Variants in LMX1B observed in about 807,000 individuals in gnomAD.
LMX1B encodes the protein LIM homeobox transcription factor 1-beta.
In LMX1B, 12 loss-of-function variants were observed where a neutral mutation model predicts 51.4. The observed-to-expected ratio is 0.23, with a 90% CI of 0.15 to 0.38. The LOEUF (loss-of-function observed/expected upper bound fraction) is 0.38, where lower values mean the gene tolerates loss of function less well. Ranked by LOEUF, LMX1B falls within the 10% of genes least tolerant of loss-of-function variation. The pLI, the probability that LMX1B is intolerant of heterozygous loss-of-function variation, is 1.00. For synonymous variants in LMX1B, 237 were observed against 235.4 expected, an observed-to-expected ratio of 1.01 and a Z score of -0.06; for missense variants, 445 against 571.1, an observed-to-expected ratio of 0.78 and a Z score of 2.25.
chr9:126,664,323 G>T (rs189155287), intron 2 of LMX1B, among the ~76,000 whole-genome samples: 1 of 152,262 alleles, frequency 6.6e-6, no homozygotes, highest in East Asian at 1.9e-4. Context: ...ATAACTTGGA[G>T]ACCAAGTCAC....
At chr9:126,678,324 A>AC (rs1185120674) in intron 2 of LMX1B, among the ~76,000 whole-genome samples, 10 of 121,686 alleles carry the variant, frequency 8.2e-5, no homozygotes, top group African/African-American at 3.1e-4. Context: ...AAAAAAAACA[A>AC]AAAACAAAAA....
intron 2 of LMX1B, among the ~76,000 whole-genome samples, chr9:126,665,763 C>T (rs985050404): frequency 1.2e-4 from 18 of 152,232 alleles, no homozygotes; most frequent in Admixed American, 7.2e-4. Flanking sequence ...ACCAACCCCC[C>T]GGGTAGCCCG....
chr9:126,687,006 T>C (rs1224854845), intron 2 of LMX1B, among the ~76,000 whole-genome samples: 1 of 152,080 alleles, frequency 6.6e-6, no homozygotes, highest in African/African-American at 2.4e-5. Context: ...GGAGGCACAG[T>C]GGGGCCCTGT....
intron 2 of LMX1B, among the ~76,000 whole-genome samples, chr9:126,678,327 AAC>A (rs1334386302): frequency 1.4e-4 from 15 of 109,048 alleles, no homozygotes; most frequent in African/African-American, 7.2e-4. Context: ...AAAAACAAAA[AAC>A]AAAAAAAAAA....
chr9:126,693,369 C>G lies in LMX1B; in HGVS notation c.741+46C>G, dbSNP rs765513815. ...GGGGCTCAGGCTGATGCCCGCACAC[C>G]CACTGCCTTTCTGGAGACCACCCCC... On this transcript the variant is annotated intron_variant, in intron 4 of 7. Coordinates refer to ENST00000373474, the MANE Select transcript of LMX1B (RefSeq NM_001174147.2). 4 of 1,571,562 alleles carry G rather than the reference C, an allele frequency of 2.5e-6. No individual in the cohort carries two copies. The African/African-American group carries it at 5.4e-5, about 21-fold the overall frequency.
chr9:126,678,101 G>A (rs1453121615), intron 2 of LMX1B, among the ~76,000 whole-genome samples: 4 of 152,068 alleles, frequency 2.6e-5, no homozygotes, highest in African/African-American at 9.7e-5. Flanking sequence ...ACTTGAGGTT[G>A]GGAGTTTGAG....
intron 2 of LMX1B, among the ~76,000 whole-genome samples, chr9:126,638,918 A>G (rs1238777184): frequency 6.6e-6 from 1 of 152,104 alleles, no homozygotes; most frequent in Non-Finnish European, 1.5e-5. Flanking sequence ...CACTGCATGC[A>G]TTATACATGG....
chr9:126,670,457 C>T (rs1249163908), intron 2 of LMX1B, among the ~76,000 whole-genome samples: 1 of 152,180 alleles, frequency 6.6e-6, no homozygotes, highest in African/African-American at 2.4e-5. Context: ...TGGGTGCAGA[C>T]GCGCTCAGAT....
At chr9:126,672,327 G>T (rs1158359516) in intron 2 of LMX1B, among the ~76,000 whole-genome samples, 1 of 152,256 alleles carries the variant, frequency 6.6e-6, no homozygotes, top group Non-Finnish European at 1.5e-5. Context: ...GAGATCAGGG[G>T]CCTCCCTCAC....
chr9:126,628,426 T>C (rs1835572454), intron 2 of LMX1B, among the ~76,000 whole-genome samples: 2 of 152,182 alleles, frequency 1.3e-5, no homozygotes, highest in Non-Finnish European at 2.9e-5. Context: ...GAGTTTGATA[T>C]TGTTATGATT....
intron 2 of LMX1B, among the ~76,000 whole-genome samples, chr9:126,678,336 A>AAACG (rs1836610427): frequency 7.5e-6 from 1 of 132,596 alleles, no homozygotes; most frequent in African/African-American, 3.7e-5. Context: ...AAACAAAAAA[A>AAACG]AAAAACAAAA....
rs2030346620 is a variant in LMX1B, at chr9:126,696,558, G to A, written c.*107G>A. The stretch of plus-strand genomic sequence containing the variant: ...CTGCTCTCCGCACAGACTACAGACA[G>A]CCATACGGTGCCCTCCCCTCGGCCA... On this transcript the variant is annotated 3_prime_UTR_variant, in exon 8 of 8. Transcript: ENST00000373474. 1 of 1,341,138 alleles carries A rather than the reference G, an allele frequency of 7.5e-7. No individual in the cohort carries two copies. The highest frequency in any genetic ancestry group is 2.3e-5 in the East Asian group (1 of 43,222). The allele number at this position is 1,341,138 out of a possible 1,614,324, so 83.1% of individuals were successfully genotyped here. A position where few individuals can be genotyped will look rare whatever the true frequency, so the allele number is the denominator to read the frequency against.
At chr9:126,675,816 G>A (rs541670181) in intron 2 of LMX1B, among the ~76,000 whole-genome samples, 2 of 150,990 alleles carry the variant, frequency 1.3e-5, no homozygotes, top group East Asian at 1.9e-4. Flanking sequence ...TTGGGAGGCC[G>A]AGGCGGGCGG....
At chr9:126,682,551 G>A (rs1836695368) in intron 2 of LMX1B, among the ~76,000 whole-genome samples, 1 of 152,176 alleles carries the variant, frequency 6.6e-6, no homozygotes, top group Non-Finnish European at 1.5e-5. Flanking sequence ...TCTTCTCACT[G>A]CTCTAGCCCC....
intron 2 of LMX1B, among the ~76,000 whole-genome samples, chr9:126,688,261 C>A (rs976395218): frequency 1.3e-5 from 2 of 152,208 alleles, no homozygotes; most frequent in African/African-American, 4.8e-5. Context: ...GGCATTAGCG[C>A]GGCTGTTCTG....
chr9:126,682,270 A>T (rs1036234425), intron 2 of LMX1B, among the ~76,000 whole-genome samples: 7 of 151,432 alleles, frequency 4.6e-5, no homozygotes, highest in African/African-American at 1.7e-4. Flanking sequence ...GCAAGGAGCC[A>T]CTTCCCCCGA....
intron 2 of LMX1B, among the ~76,000 whole-genome samples, chr9:126,627,853 G>A (rs1835563422): frequency 6.6e-6 from 1 of 152,170 alleles, no homozygotes; most frequent in African/African-American, 2.4e-5. Flanking sequence ...CACGCTACCA[G>A]GCTTGGGGGC....
chr9:126,656,890 C>A lies in LMX1B; in HGVS notation c.327-33946C>A, dbSNP rs1325184185. ...AATGTCTCCAGACATGGCTGAATGC[C>A]CCTTGAGGCAAAATCACCTCTAATT... is the stretch of plus-strand genomic sequence containing the variant. On this transcript the variant is annotated intron_variant, in intron 2 of 7. Coordinates refer to ENST00000373474, the MANE Select transcript of LMX1B (RefSeq NM_001174147.2). 1.3e-5 allele frequency among the ~76,000 whole-genome samples: 2 copies of A among 152,316 alleles called. 1 individual carries two copies. The highest frequency in any genetic ancestry group is 4.1e-4 in the South Asian group (2 of 4,828).
chr9:126,681,910 A>ATAAT (rs1554727631), intron 2 of LMX1B, among the ~76,000 whole-genome samples: 2 of 149,712 alleles, frequency 1.3e-5, no homozygotes, highest in African/African-American at 5.0e-5. Context: ...CAAAAAAAAA[A>ATAAT]AATAATAATA....
Sources: allele counts gnomAD v4.1 joint callset (sites outside exome capture counted in the v4.1 genomes callset), GRCh38; gene constraint gnomAD v4.1.1; transcripts MANE v1.5; gene names NCBI Gene and HGNC (gene_info 2026-07-23, HGNC 2026-07-21).